Variants in HS3ST3A1 observed in about 807,000 individuals in gnomAD.
HS3ST3A1 encodes heparan sulfate glucosamine 3-O-sulfotransferase 3A1.
A neutral mutation model predicts 25.7 loss-of-function variants in HS3ST3A1; 19 were observed. The observed-to-expected ratio is 0.74, with a 90% CI of 0.52 to 1.08. The LOEUF (loss-of-function observed/expected upper bound fraction) is 1.08, where lower values mean the gene tolerates loss of function less well. Ranked by LOEUF, HS3ST3A1 falls within the 50% of genes least tolerant of loss-of-function variation. The probability of loss-of-function intolerance (pLI) is 0.00; values close to 1 mark genes in which losing one functional copy is unlikely to be tolerated. For synonymous variants in HS3ST3A1, 226 were observed against 278.6 expected (o/e 0.81, Z 1.88); for missense variants, 459 against 594.3 (o/e 0.77, Z 2.37).
chr17:13,501,450 G>A (rs1434926133), intron 1 of HS3ST3A1, among the ~76,000 whole-genome samples: 1 of 142,466 alleles, frequency 7.0e-6, no homozygotes, highest in Non-Finnish European at 1.5e-5. Context: ...AGACAAAAGA[G>A]TCTTTTTGCT....
intron 1 of HS3ST3A1, among the ~76,000 whole-genome samples, chr17:13,552,963 C>A (rs879688687): frequency 6.6e-6 from 1 of 152,210 alleles, no homozygotes; most frequent in Non-Finnish European, 1.5e-5. Flanking sequence ...TAATTGACTG[C>A]CTAGAAAAGT....
At position 13,600,482 on chromosome 17, in the gene HS3ST3A1, C is replaced by T. The variant is rs779719304; in HGVS notation, c.599+49G>A. On this transcript the variant is annotated intron_variant, in intron 1 of 1. Transcript: ENST00000284110. ...GAGGGCTCCTCCACGTCTTTCCCAG[C>T]CCAGGACCCCCGGATCCTTCAGCCC... 12 of 1,519,376 alleles carry T rather than the reference C, an allele frequency of 7.9e-6. No individual in the cohort carries two copies. The African/African-American group carries it at 1.4e-4, about 18-fold the overall frequency. 94.1% of individuals were successfully genotyped at this position (1,519,376 alleles called of 1,614,324 possible).
At chr17:13,580,179 C>A (rs978397745) in intron 1 of HS3ST3A1, among the ~76,000 whole-genome samples, 1 of 151,558 alleles carries the variant, frequency 6.6e-6, no homozygotes, top group Non-Finnish European at 1.5e-5. Flanking sequence ...ATTAAAAAAA[C>A]CACAGGACTT....
chr17:13,574,759 C>CACAAAA (rs1555542157), intron 1 of HS3ST3A1, among the ~76,000 whole-genome samples: 1 of 75,718 alleles, frequency 1.3e-5, no homozygotes, highest in African/African-American at 6.4e-5. Flanking sequence ...CACACACACA[C>CACAAAA]AAAAAACACA....
At chr17:13,568,171 C>T (rs1907721746) in intron 1 of HS3ST3A1, among the ~76,000 whole-genome samples, 1 of 152,230 alleles carries the variant, frequency 6.6e-6, no homozygotes, top group Admixed American at 6.5e-5. Flanking sequence ...AAGATTACAA[C>T]TCACTGAAGA....
chr17:13,512,199 T>C (rs937086688), intron 1 of HS3ST3A1, among the ~76,000 whole-genome samples: 1 of 149,274 alleles, frequency 6.7e-6, no homozygotes, highest in African/African-American at 2.5e-5. Flanking sequence ...CTGGGGAGGC[T>C]GAGGCAGGAG....
rs1041925591 is a variant in HS3ST3A1, at chr17:13,601,329, C to T, written c.-200G>A. On this transcript the variant is annotated 5_prime_UTR_variant, in exon 1 of 2. Transcript: ENST00000284110. ...GAATCCCGGGGGCCCCGCGCAGGAT[C>T]CCTGCCTCCAGTCGAGGGAGCGGGA... 6.0e-6 allele frequency: 3 copies of T among 501,782 alleles called. No individual in the cohort carries two copies. In the African/African-American group the frequency reaches 6.1e-5, roughly 10 times the overall value. The allele number at this position is 501,782 out of a possible 1,614,324, so 31.1% of individuals were successfully genotyped here.
intron 1 of HS3ST3A1, among the ~76,000 whole-genome samples, chr17:13,513,834 T>C (rs2142310189): frequency 6.6e-6 from 1 of 152,324 alleles, no homozygotes; most frequent in Non-Finnish European, 1.5e-5. Context: ...GCATGAGTAT[T>C]TTAAAAGCTT....
chr17:13,543,193 C>A (rs1207065787), intron 1 of HS3ST3A1, among the ~76,000 whole-genome samples: 1 of 152,144 alleles, frequency 6.6e-6, no homozygotes, highest in Non-Finnish European at 1.5e-5. Context: ...TCATGGAAAA[C>A]CCCAATTTAT....
At chr17:13,545,974 C>T (rs1448284662) in intron 1 of HS3ST3A1, among the ~76,000 whole-genome samples, 2 of 151,976 alleles carry the variant, frequency 1.3e-5, no homozygotes, top group Non-Finnish European at 2.9e-5. Flanking sequence ...GAGTCTCCTT[C>T]TCAAAATAAT....
chr17:13,519,956 A>C (rs1356917446), intron 1 of HS3ST3A1, among the ~76,000 whole-genome samples: 2 of 152,198 alleles, frequency 1.3e-5, no homozygotes, highest in African/African-American at 4.8e-5. Context: ...AGGATGGGAA[A>C]ATAGCATGAA....
At chr17:13,575,680 TG>T (rs1907931636) in intron 1 of HS3ST3A1, among the ~76,000 whole-genome samples, 1 of 152,174 alleles carries the variant, frequency 6.6e-6, no homozygotes, top group African/African-American at 2.4e-5. Flanking sequence ...GAAATTGTAT[TG>T]GAAAATAATG....
intron 1 of HS3ST3A1, among the ~76,000 whole-genome samples, chr17:13,579,020 T>TA (rs1908029207): frequency 6.6e-6 from 1 of 152,190 alleles, no homozygotes; most frequent in Non-Finnish European, 1.5e-5. Flanking sequence ...TAATTATATA[T>TA]TTTTAAATTC....
At chr17:13,541,035 C>T (rs1480887112) in intron 1 of HS3ST3A1, among the ~76,000 whole-genome samples, 1 of 152,186 alleles carries the variant, frequency 6.6e-6, no homozygotes, top group Non-Finnish European at 1.5e-5. Context: ...CCTACTGATG[C>T]TGTAAAAAAT....
At chr17:13,521,040 T>C (rs1036212758) in intron 1 of HS3ST3A1, among the ~76,000 whole-genome samples, 4 of 152,232 alleles carry the variant, frequency 2.6e-5, no homozygotes, top group Admixed American at 6.5e-5. Context: ...AAGCATTCTG[T>C]TGGGCTTCCC....
chr17:13,532,733 C>G (rs1567616271), intron 1 of HS3ST3A1, among the ~76,000 whole-genome samples: 1 of 152,082 alleles, frequency 6.6e-6, no homozygotes, highest in African/African-American at 2.4e-5. Context: ...CTGGGGACAT[C>G]TGGGCAGCAG....
At chr17:13,593,923 G>T (rs184628704) in intron 1 of HS3ST3A1, among the ~76,000 whole-genome samples, 1 of 152,104 alleles carries the variant, frequency 6.6e-6, no homozygotes, top group Admixed American at 6.5e-5. Context: ...CCTTAGTTCA[G>T]ACCCAGGATC....
intron 1 of HS3ST3A1, among the ~76,000 whole-genome samples, chr17:13,530,097 C>A (rs866754415): frequency 6.6e-6 from 1 of 152,008 alleles, no homozygotes; most frequent in Non-Finnish European, 1.5e-5. Flanking sequence ...GGGGCTTGAT[C>A]TCAGAAGAAG....
At chr17:13,587,368 C>G (rs935370478) in intron 1 of HS3ST3A1, among the ~76,000 whole-genome samples, 4 of 152,144 alleles carry the variant, frequency 2.6e-5, no homozygotes, top group Non-Finnish European at 5.9e-5. Flanking sequence ...GCAGGAGAAT[C>G]GCTTGAACCC....
Sources: allele counts gnomAD v4.1 joint callset (sites outside exome capture counted in the v4.1 genomes callset), GRCh38; gene constraint gnomAD v4.1.1; transcripts MANE v1.5; gene names NCBI Gene and HGNC (gene_info 2026-07-23, HGNC 2026-07-21).